Variants in FOXP1 observed in about 807,000 individuals in gnomAD.
FOXP1 encodes forkhead box P1, also known as forkhead box protein P1.
FOXP1 carries 15 observed loss-of-function variants against 98.2 expected under a neutral mutation model. The observed-to-expected ratio is 0.15, with a 90% confidence interval of 0.10 to 0.24. The LOEUF is 0.24. FOXP1 is among the 10% of genes least tolerant of loss of function. The pLI is 1.00. For missense variants in FOXP1, 633 were observed against 848.5 expected (o/e 0.75, Z 3.15); for synonymous variants, 371 against 314.5 (o/e 1.18, Z -1.90).
chr3:71,302,756 C>T (rs1262766543), intron 4 of FOXP1: 3 of 152,186 alleles, frequency 2.0e-5, no homozygotes, highest in South Asian at 2.1e-4. Context: ...CAGAATTGTT[C>T]CATGGCCTCT....
intron 3 of FOXP1, among the ~76,000 whole-genome samples, chr3:71,401,764 G>A (rs1560432400): frequency 6.6e-6 from 1 of 152,156 alleles, no homozygotes. Context: ...CTAAAGACGA[G>A]GCTCTCCCCA....
At chr3:71,456,782 G>A (rs779226919) in intron 3 of FOXP1, among the ~76,000 whole-genome samples, 1 of 149,542 alleles carries the variant, frequency 6.7e-6, no homozygotes, top group Non-Finnish European at 1.5e-5. Context: ...GCAACCCATG[G>A]AATATCAGAA....
At chr3:71,200,188 C>A (rs1488585716) in intron 5 of FOXP1, among the ~76,000 whole-genome samples, 4 of 151,590 alleles carry the variant, frequency 2.6e-5, no homozygotes, top group African/African-American at 9.7e-5. Flanking sequence ...TCCCAGAGAG[C>A]CGATTCAGCA....
intron 19 of FOXP1, among the ~76,000 whole-genome samples, chr3:70,967,710 G>GTTTTTTTTTTTTTTTTTTTTT (rs756777959): frequency 1.5e-5 from 1 of 68,872 alleles, no homozygotes; most frequent in Non-Finnish European, 2.7e-5. Flanking sequence ...GTTTTTTTTT[G>GTTTTTTTTTTTTTTTTTTTTT]TTTTTTTTTT....
intron 6 of FOXP1, among the ~76,000 whole-genome samples, chr3:71,188,681 G>C (rs2062795550): frequency 6.6e-6 from 1 of 152,162 alleles, no homozygotes; most frequent in Admixed American, 6.5e-5. Flanking sequence ...CCCTCCAAAG[G>C]GGATTACAGG....
At chr3:70,969,551 A>T (rs1353170140) in intron 19 of FOXP1, 4 of 152,206 alleles carry the variant, frequency 2.6e-5, no homozygotes, top group Non-Finnish European at 4.4e-5. Context: ...TATCTGTTTA[A>T]TGCAGAGCAA....
chr3:71,081,995 T>C (rs2054473242), intron 7 of FOXP1, among the ~76,000 whole-genome samples: 1 of 152,246 alleles, frequency 6.6e-6, no homozygotes, highest in Non-Finnish European at 1.5e-5. Flanking sequence ...TAGACGGTGC[T>C]GCGCTGGGCG....
At chr3:71,340,764 T>TTTA (rs1172906475) in intron 4 of FOXP1, among the ~76,000 whole-genome samples, 2 of 152,200 alleles carry the variant, frequency 1.3e-5, no homozygotes, top group Admixed American at 1.3e-4. Flanking sequence ...CACCAATCCC[T>TTTA]CATCTCTCTT....
chr3:71,178,244 C>A (rs2062066597), intron 6 of FOXP1, among the ~76,000 whole-genome samples: 2 of 151,566 alleles, frequency 1.3e-5, no homozygotes, highest in Non-Finnish European at 2.9e-5. Context: ...AAGCAATTCC[C>A]CTGCCTCAGT....
At chr3:71,054,911 T>G (rs1432672364) in intron 7 of FOXP1, among the ~76,000 whole-genome samples, 1 of 152,188 alleles carries the variant, frequency 6.6e-6, no homozygotes, top group East Asian at 1.9e-4. Flanking sequence ...AAGGATATGC[T>G]GTCATCTCAT....
chr3:71,348,817 T>A (rs149613875), intron 4 of FOXP1, among the ~76,000 whole-genome samples: 13 of 152,126 alleles, frequency 8.5e-5, no homozygotes, highest in Non-Finnish European at 1.6e-4. Context: ...CTAACTGTTA[T>A]GTGTGCTAAG....
chr3:71,347,652 G>A (rs1056559375), intron 4 of FOXP1, among the ~76,000 whole-genome samples: 3 of 152,108 alleles, frequency 2.0e-5, no homozygotes, highest in Non-Finnish European at 4.4e-5. Context: ...TTGGGAAGCC[G>A]AGGTGGGTGG....
At chr3:71,139,926 A>G (rs921007092) in intron 6 of FOXP1, among the ~76,000 whole-genome samples, 1 of 152,140 alleles carries the variant, frequency 6.6e-6, no homozygotes, top group African/African-American at 2.4e-5. Context: ...GGGCACTACA[A>G]GGTTCCTAAG....
At chr3:71,466,884 T>G (rs888856689) in intron 3 of FOXP1, among the ~76,000 whole-genome samples, 1 of 152,260 alleles carries the variant, frequency 6.6e-6, no homozygotes, top group Non-Finnish European at 1.5e-5. Flanking sequence ...ACATCTGTGT[T>G]TCTCAAGTGA....
At chr3:71,327,318 G>GCAGGCTTCTTGGCTGCAAC (rs368201258) in intron 4 of FOXP1, among the ~76,000 whole-genome samples, 2 of 145,538 alleles carry the variant, frequency 1.4e-5, no homozygotes, top group African/African-American at 5.0e-5. Flanking sequence ...ACTCAATGAA[G>GCAGGCTTCTTGGCTGCAAC]AGATTATTGT....
chr3:71,304,468 G>C (rs1422135518), intron 4 of FOXP1, among the ~76,000 whole-genome samples: 2 of 152,070 alleles, frequency 1.3e-5, no homozygotes, highest in Non-Finnish European at 2.9e-5. Context: ...CCCCACAAAT[G>C]TTAAACAAAA....
chr3:71,401,991 C>T (rs140911669), intron 3 of FOXP1, among the ~76,000 whole-genome samples: 4 of 152,264 alleles, frequency 2.6e-5, no homozygotes, highest in African/African-American at 7.2e-5. Flanking sequence ...AGGCTATAAA[C>T]GCCATGAGAG....
At chr3:71,341,920 C>G (rs2077032800) in intron 4 of FOXP1, among the ~76,000 whole-genome samples, 1 of 152,192 alleles carries the variant, frequency 6.6e-6, no homozygotes, top group South Asian at 2.1e-4. Context: ...TGTGGTAGAA[C>G]ATGCATGAGT....
At chr3:71,225,547 C>T (rs2065767843) in intron 5 of FOXP1, among the ~76,000 whole-genome samples, 1 of 152,052 alleles carries the variant, frequency 6.6e-6, no homozygotes, top group African/African-American at 2.4e-5. Context: ...GTCATAATTG[C>T]TAATGCTACG....
Sources: gnomAD v4.1 joint callset for allele counts (sites outside exome capture counted in the v4.1 genomes callset) on GRCh38, gnomAD v4.1.1 for gene constraint, MANE v1.5 for transcripts, NCBI Gene and HGNC (gene_info 2026-07-23, HGNC 2026-07-21) for gene names.